TRHDE: variants seen among roughly 807,000 people sequenced by gnomAD.
TRHDE encodes the protein thyrotropin-releasing hormone-degrading ectoenzyme.
TRHDE carries 72 observed loss-of-function variants against 125.7 expected under a neutral mutation model. The ratio of observed to expected loss-of-function variants is 0.57; its 90% CI spans 0.47 to 0.70. The LOEUF (loss-of-function observed/expected upper bound fraction) is 0.70. TRHDE is among the 30% of genes least tolerant of loss of function. The pLI is 0.00. For missense variants in TRHDE, 1,110 were observed against 1,327.1 expected, an observed-to-expected ratio of 0.84 and a Z score of 2.54; for synonymous variants, 509 against 509.1, an observed-to-expected ratio of 1.00 and a Z score of 0.00.
At chr12:72,237,681 C>T (rs1411436360) in intron 2 of TRHDE, among the ~76,000 whole-genome samples, 2 of 152,154 alleles carry the variant, frequency 1.3e-5, no homozygotes, top group African/African-American at 4.8e-5. Context: ...CCTGCTTCCT[C>T]TTTGCCTATG....
intron 3 of TRHDE, among the ~76,000 whole-genome samples, chr12:72,417,648 T>C (rs1188410396): frequency 6.6e-6 from 1 of 152,014 alleles, no homozygotes; most frequent in African/African-American, 2.4e-5. Flanking sequence ...GACAGATTTT[T>C]CCCCCAAATC....
At chr12:72,657,091 C>A in intron 18 of TRHDE, 83 bp downstream of exon 18, 1 of 871,364 alleles carries the variant, frequency 1.1e-6, no homozygotes, top group Non-Finnish European at 1.9e-6. Context: ...TTCTTTCCAA[C>A]AGATTCACAT....
intron 3 of TRHDE, among the ~76,000 whole-genome samples, chr12:72,429,954 G>C (rs1185009013): frequency 6.6e-6 from 1 of 151,654 alleles, no homozygotes; most frequent in Non-Finnish European, 1.5e-5. Context: ...CTTAAATTCT[G>C]TGGGTTGTCT....
intron 6 of TRHDE, among the ~76,000 whole-genome samples, chr12:72,518,408 T>G (rs1251884180): frequency 6.6e-6 from 1 of 151,720 alleles, no homozygotes; most frequent in African/African-American, 2.4e-5. Context: ...AATGGCGTTC[T>G]TTGTCTCTTT....
intron 2 of TRHDE, among the ~76,000 whole-genome samples, chr12:72,132,402 G>A (rs1446623835): frequency 1.3e-5 from 2 of 152,170 alleles, no homozygotes; most frequent in African/African-American, 2.4e-5. Flanking sequence ...ACATTCATGC[G>A]CCCAACAGGA....
At chr12:72,596,004 T>A (rs553162829) in intron 12 of TRHDE, among the ~76,000 whole-genome samples, 2 of 152,222 alleles carry the variant, frequency 1.3e-5, no homozygotes, top group Admixed American at 1.3e-4. Context: ...GAACAAATTA[T>A]TCAGGGTTGA....
At chr12:72,547,017 A>C (rs1439023873) in intron 7 of TRHDE, among the ~76,000 whole-genome samples, 1 of 151,754 alleles carries the variant, frequency 6.6e-6, no homozygotes, top group African/African-American at 2.4e-5. Context: ...TGTAGCATTC[A>C]AGCTTCTAAC....
intron 12 of TRHDE, among the ~76,000 whole-genome samples, chr12:72,593,748 A>G (rs10784976): frequency 0.27 from 40,315 of 151,834 alleles, 8,133 homozygotes; most frequent in East Asian, 0.54. Context: ...TCCCACCTAT[A>G]AGTGAGAACA....
intron 2 of TRHDE, among the ~76,000 whole-genome samples, chr12:72,363,258 C>A (rs1871190051): frequency 6.6e-6 from 1 of 151,770 alleles, no homozygotes; most frequent in African/African-American, 2.4e-5. Flanking sequence ...GGGAATCCTC[C>A]CCAACTCATT....
chr12:72,572,213 A>T (rs12310334), intron 10 of TRHDE, among the ~76,000 whole-genome samples: 40,292 of 151,770 alleles, frequency 0.27, 8,066 homozygotes, highest in African/African-American at 0.54. Flanking sequence ...TTTTTAAAAA[A>T]TTTTTAAATT....
intron 3 of TRHDE, 23 bp downstream of exon 3, chr12:72,378,144 T>G (rs757792812): frequency 6.4e-7 from 1 of 1,564,868 alleles, no homozygotes; most frequent in South Asian, 1.2e-5. Flanking sequence ...TTGGTTATTT[T>G]ATTGGAAGGG....
At chr12:72,269,114 C>A (rs946511802), upstream of TRHDE, among the ~76,000 whole-genome samples, 1 of 151,986 alleles carries the variant, frequency 6.6e-6, no homozygotes, top group Admixed American at 6.6e-5. Flanking sequence ...TCTGAAATTT[C>A]ACCCCCCCAC....
intron 3 of TRHDE, among the ~76,000 whole-genome samples, chr12:72,468,457 G>A (rs1876487706): frequency 6.6e-6 from 1 of 152,116 alleles, no homozygotes; most frequent in Admixed American, 6.6e-5. Flanking sequence ...GAACATTCTT[G>A]TACAATTTTC....
intron 2 of TRHDE, among the ~76,000 whole-genome samples, chr12:72,337,142 C>T (rs879311072): frequency 6.6e-5 from 10 of 152,156 alleles, no homozygotes; most frequent in African/African-American, 1.9e-4. Flanking sequence ...GTAACATACA[C>T]GAAGCCCACT....
At chr12:72,660,466 C>T (rs1188516285) in intron 18 of TRHDE, among the ~76,000 whole-genome samples, 1 of 152,152 alleles carries the variant, frequency 6.6e-6, no homozygotes, top group Non-Finnish European at 1.5e-5. Context: ...CCTTCCCTGG[C>T]ACTGGCATTA....
chr12:72,372,439 G>A (rs1012463540), intron 2 of TRHDE, among the ~76,000 whole-genome samples: 1 of 152,114 alleles, frequency 6.6e-6, no homozygotes, highest in African/African-American at 2.4e-5. Flanking sequence ...ATTGCTTTTG[G>A]TGTTTTAGAC....
chr12:72,490,937 CTGTG>C (rs1191156765), intron 5 of TRHDE, among the ~76,000 whole-genome samples: 2 of 148,244 alleles, frequency 1.3e-5, no homozygotes, highest in African/African-American at 5.0e-5. Context: ...TAAAATTGTA[CTGTG>C]TCTGTGATTC....
intron 3 of TRHDE, among the ~76,000 whole-genome samples, chr12:72,413,547 T>A (rs1308637241): frequency 6.6e-6 from 1 of 151,960 alleles, no homozygotes; most frequent in Non-Finnish European, 1.5e-5. Flanking sequence ...ATTTTTTAAA[T>A]ATATCTACTA....
At chr12:72,550,276 A>C (rs1869615253) in intron 7 of TRHDE, among the ~76,000 whole-genome samples, 2 of 151,928 alleles carry the variant, frequency 1.3e-5, no homozygotes, top group Non-Finnish European at 2.9e-5. Flanking sequence ...AATTATGGAC[A>C]TACCTGCTAA....
Sources: allele counts gnomAD v4.1 joint callset (sites outside exome capture counted in the v4.1 genomes callset), GRCh38; gene constraint gnomAD v4.1.1; transcripts MANE v1.5; gene names NCBI Gene and HGNC (gene_info 2026-07-23, HGNC 2026-07-21).